The following HDGF variants were observed in gnomAD, a reference collection of about 807,000 sequenced individuals.
HDGF encodes the protein heparin binding growth factor, also known as hepatoma-derived growth factor.
Under a neutral mutation model 30.0 loss-of-function variants are expected in HDGF, and 5 were observed. The ratio of observed to expected loss-of-function variants is 0.17; its 90% CI spans 0.09 to 0.35. The LOEUF (loss-of-function observed/expected upper bound fraction) is 0.35. HDGF is among the 10% of genes least tolerant of loss of function. HDGF has a pLI of 1.00. For synonymous variants in HDGF, 133 were observed against 112.7 expected, an observed-to-expected ratio of 1.18 and a Z score of -1.14; for missense variants, 214 against 302.8, an observed-to-expected ratio of 0.71 and a Z score of 2.18.
upstream of HDGF, chr1:156,752,378 C>G: frequency 6.4e-7 from 1 of 1,551,062 alleles, no homozygotes; most frequent in Non-Finnish European, 8.7e-7. Context: ...TCTCGTTTCT[C>G]TAAGCTACTG....
At chr1:156,751,933 G>T (rs940004275), upstream of HDGF, 14 of 1,121,118 alleles carry the variant, frequency 1.2e-5, no homozygotes, top group Non-Finnish European at 1.6e-5. This position sits in a 1 kb window ranked among gnomAD's most constrained non-coding sequence, Gnocchi z 4.7. Context: ...CGCCGAGCAG[G>T]CTTTGTGTGC....
At chr1:156,757,716 C>T (rs929017566) in intron 2 of HDGF, among the ~76,000 whole-genome samples, 1 of 150,442 alleles carries the variant, frequency 6.6e-6, no homozygotes, top group African/African-American at 2.5e-5. Context: ...TCACTTGAGC[C>T]TGGGAGGCAG....
chr1:156,750,981 G>A (rs1049852343), intron 1 of HDGF, among the ~76,000 whole-genome samples: 1 of 151,514 alleles, frequency 6.6e-6, no homozygotes, highest in Non-Finnish European at 1.5e-5. Context: ...TCGGGGGAAG[G>A]AATAACACGA....
chr1:156,758,167 G>A (rs541779793), intron 2 of HDGF, among the ~76,000 whole-genome samples: 5 of 152,178 alleles, frequency 3.3e-5, no homozygotes, highest in African/African-American at 1.2e-4. Context: ...GCGTGGTGGC[G>A]CACATCTGTA....
chr1:156,760,972 T>A (rs1178471195), intron 1 of HDGF, among the ~76,000 whole-genome samples: 2 of 151,834 alleles, frequency 1.3e-5, no homozygotes, highest in Non-Finnish European at 2.9e-5. Context: ...GGCAGGCAGA[T>A]TGCTTGAGCT....
chr1:156,754,316 G>A (rs1218033752), upstream of HDGF, among the ~76,000 whole-genome samples: 3 of 152,208 alleles, frequency 2.0e-5, no homozygotes, highest in African/African-American at 4.8e-5. Context: ...AATAGCCAGC[G>A]TGGAAGTGGA....
At chr1:156,747,494 A>G (rs1274164293) in intron 1 of HDGF, 1 of 151,894 alleles carries the variant, frequency 6.6e-6, no homozygotes, top group Non-Finnish European at 1.5e-5. Context: ...GTTACCAGCT[A>G]GCTCCCATCC....
intron 1 of HDGF, among the ~76,000 whole-genome samples, chr1:156,746,637 A>G (rs2102711246): frequency 6.6e-6 from 1 of 151,930 alleles, no homozygotes; most frequent in East Asian, 1.9e-4. Context: ...GGGAATCCAG[A>G]GGCAGTGGCC....
chr1:156,762,367 G>C (rs1389359116), intron 1 of HDGF, among the ~76,000 whole-genome samples: 1 of 151,566 alleles, frequency 6.6e-6, no homozygotes, highest in Non-Finnish European at 1.5e-5. Context: ...GCCTTGTCAA[G>C]AGGCTGGTAG....
chr1:156,765,132 G>T (rs1441983089), intron 1 of HDGF, among the ~76,000 whole-genome samples: 4 of 115,356 alleles, frequency 3.5e-5, no homozygotes, highest in East Asian at 3.1e-4. Flanking sequence ...CACTCTTGTT[G>T]CCCAGGCTGG....
chr1:156,758,319 C>A (rs1478999115), intron 2 of HDGF, among the ~76,000 whole-genome samples: 4 of 146,962 alleles, frequency 2.7e-5, no homozygotes, highest in Non-Finnish European at 6.0e-5. Flanking sequence ...AGGCCAGGCG[C>A]GGTGGCTCAC....
chr1:156,744,400 C>A (rs1296510913), intron 3 of HDGF, 52 bp from the exon 4 acceptor site: 1 of 1,603,144 alleles, frequency 6.2e-7, no homozygotes, highest in Admixed American at 1.7e-5. Context: ...CCATGCTGGG[C>A]CCCCTCCCCA....
At chr1:156,752,400 AGACTTG>A (rs1251372994), upstream of HDGF, 1 of 1,535,842 alleles carries the variant, frequency 6.5e-7, no homozygotes, top group Non-Finnish European at 8.8e-7. Context: ...CTTGCCAAGG[AGACTTG>A]GACTCAACGG....
chr1:156,760,828 T>C (rs1651236187), intron 1 of HDGF, among the ~76,000 whole-genome samples: 1 of 150,960 alleles, frequency 6.6e-6, no homozygotes. Flanking sequence ...CTCTCCTTGC[T>C]TTTTCTCCCC....
chr1:156,742,523 A>C lies in HDGF; in HGVS notation c.*926T>G, dbSNP rs1173506409. The C allele has an allele frequency of 6.6e-6, 1 of 152,192 alleles. No homozygotes were observed. Among genetic ancestry groups the C allele is most frequent in the Non-Finnish European group, 1.5e-5 (1 of 68,042 alleles). 9.4% of individuals were successfully genotyped at this position (152,192 alleles called of 1,614,324 possible). A position where few individuals can be genotyped will look rare whatever the true frequency, so the allele number is the denominator to read the frequency against. Reference sequence around the variant, plus strand: ...GCACACAAAGGGTTAGGGGTCTTTAAAATTTTTTTTTGTAATTTTCTTTTA... The same window carrying C: ...GCACACAAAGGGTTAGGGGTCTTTACAATTTTTTTTTGTAATTTTCTTTTA... On this transcript the variant is annotated 3_prime_UTR_variant, in exon 6 of 6. Coordinates refer to ENST00000357325, the MANE Select transcript of HDGF (RefSeq NM_004494.3).
intron 1 of HDGF, among the ~76,000 whole-genome samples, chr1:156,750,963 G>A (rs1250718936): frequency 6.6e-6 from 1 of 150,464 alleles, no homozygotes; most frequent in Non-Finnish European, 1.5e-5. Context: ...TGGCGGCGGC[G>A]CCTGGGGTCG....
Position 156,751,162 on chromosome 1 carries a change from C to T in HDGF, c.87+181G>A, listed in dbSNP as rs1447316943. Among the ~76,000 whole-genome samples, 13 of 152,228 alleles carry T rather than the reference C, an allele frequency of 8.5e-5. No individual in the cohort carries two copies. The South Asian group carries it at 2.5e-3, about 29-fold the overall frequency. On this transcript the variant is annotated intron_variant, in intron 1 of 5. Coordinates refer to ENST00000357325, the MANE Select transcript of HDGF (RefSeq NM_004494.3). The surrounding 1 kb of genome is among the most constrained non-coding windows in gnomAD (Gnocchi z 4.7). ...GCCCGCCAGGTGTCTACCCCCACCC[C>T]CGCCCGCCTCCACCATTATATAACC...
chr1:156,762,147 A>G lies in HDGF; in HGVS notation n.137-2928T>C, dbSNP rs911623368. 4.0e-5 allele frequency among the ~76,000 whole-genome samples: 6 copies of G among 150,984 alleles called. No homozygotes were observed. The East Asian group carries it at 5.8e-4, about 15-fold the overall frequency. On this transcript the variant is annotated intron_variant and non_coding_transcript_variant, in intron 1 of 7. Transcript: ENST00000465180. The stretch of plus-strand genomic sequence containing the variant: ...ACAGAGTGAGATCTTGAATTAAGGG[A>G]AAAAAAAATTATATCAAGACACTGA...
chr1:156,744,671 G>A (rs1650400887), intron 3 of HDGF: 4 of 676,336 alleles, frequency 5.9e-6, no homozygotes, highest in South Asian at 1.9e-5. Context: ...CGTCCTGCCC[G>A]GCTCACAAGC....
Sources: gnomAD v4.1 joint callset for allele counts (sites outside exome capture counted in the v4.1 genomes callset) on GRCh38, gnomAD v4.1.1 for gene constraint, Gnocchi (gnomAD v3.1) non-coding constraint, MANE v1.5 for transcripts, NCBI Gene and HGNC (gene_info 2026-07-23, HGNC 2026-07-21) for gene names.